The following ZNF81 variants were observed in gnomAD, a reference collection of about 807,000 sequenced individuals.
ZNF81 encodes zinc finger protein 81 (HFZ20).
Under a neutral mutation model 32.3 loss-of-function variants are expected in ZNF81, and 5 were observed. The ratio of observed to expected loss-of-function variants is 0.15; its 90% CI spans 0.08 to 0.33. The LOEUF is 0.33. Ranked by LOEUF, ZNF81 falls within the 10% of genes least tolerant of loss-of-function variation. The pLI is 1.00. For synonymous variants in ZNF81, 163 were observed against 166.8 expected (o/e 0.98, Z 0.17); for missense variants, 379 against 479.8 (o/e 0.79, Z 1.96).
At chrX:47,854,203 C>T (rs1406338868) in intron 2 of ZNF81, among the ~76,000 whole-genome samples, 1 of 112,544 alleles carries the variant, frequency 8.9e-6, no homozygotes, top group African/African-American at 3.2e-5. Flanking sequence ...AACTTTGCTT[C>T]AGCAGCTTCC....
At chrX:47,872,105 T>C (rs1556883985) in intron 2 of ZNF81, among the ~76,000 whole-genome samples, 1 of 112,231 alleles carries the variant, frequency 8.9e-6, no homozygotes, top group Non-Finnish European at 1.9e-5. Flanking sequence ...TTCTGCTCTT[T>C]GCAGAAGCTG....
chrX:47,849,709 A>G (rs998811317), intron 2 of ZNF81, among the ~76,000 whole-genome samples: 19 of 111,255 alleles, frequency 1.7e-4, no homozygotes, highest in African/African-American at 5.9e-4. Flanking sequence ...GAAAATCGCA[A>G]TCCATAGAGT....
Position 47,919,381 on chromosome X carries a change from G to T in ZNF81, c.*2749G>T. On this transcript the variant is annotated 3_prime_UTR_variant, in exon 5 of 5. Coordinates refer to ENST00000338637, the MANE Select transcript of ZNF81 (RefSeq NM_007137.5). ...CCCATTGAAGGCATTCTTCAACTCA[G>T]TTATGTTTTATTTTTATTTGTAATA... 3 of 184,466 alleles carry T rather than the reference G, an allele frequency of 1.6e-5. No homozygotes were observed. The highest frequency in any genetic ancestry group is 3.1e-5 in the Non-Finnish European group (3 of 96,058). 15.2% of individuals were successfully genotyped at this position (184,466 alleles called of 1,213,427 possible).
intron 2 of ZNF81, among the ~76,000 whole-genome samples, chrX:47,858,412 C>G (rs967569530): frequency 2.0e-4 from 22 of 112,144 alleles, no homozygotes; most frequent in Admixed American, 3.8e-4. Context: ...TTGTCTTATA[C>G]TTTTCCAGAA....
chrX:47,890,217 C>T (rs2058657812), intron 3 of ZNF81, among the ~76,000 whole-genome samples: 1 of 110,367 alleles, frequency 9.1e-6, no homozygotes, highest in African/African-American at 3.3e-5. Flanking sequence ...TCAGGCTGGG[C>T]CTCAATCAGA....
Position 47,918,929 on chromosome X carries a change from G to T in ZNF81, c.*2297G>T. On this transcript the variant is annotated 3_prime_UTR_variant, in exon 5 of 5. Transcript: ENST00000338637. ...TGGGAGTGTCTATTACAGTTATCCT[G>T]TACCTATCCCACCATTGTATATATT... The T allele has an allele frequency of 4.3e-6, 1 of 233,145 alleles. No individual in the cohort carries two copies. Among genetic ancestry groups the T allele is most frequent in the Non-Finnish European group, 8.1e-6 (1 of 124,059 alleles). 19.2% of individuals were successfully genotyped at this position (233,145 alleles called of 1,213,427 possible). A position where few individuals can be genotyped will look rare whatever the true frequency, so the allele number is the denominator to read the frequency against.
intron 2 of ZNF81, among the ~76,000 whole-genome samples, chrX:47,857,344 A>T (rs2058521492): frequency 1.0e-5 from 1 of 97,539 alleles, no homozygotes; most frequent in African/African-American, 4.3e-5. Flanking sequence ...AAAAATAAAA[A>T]GTAAGCAGCT....
At chrX:47,849,457 C>T (rs929597693) in intron 2 of ZNF81, among the ~76,000 whole-genome samples, 1 of 111,284 alleles carries the variant, frequency 9.0e-6, no homozygotes, top group East Asian at 2.8e-4. Context: ...CACCTGAGGT[C>T]AGTCAGGAGT....
intron 2 of ZNF81, among the ~76,000 whole-genome samples, chrX:47,870,024 A>G (rs1354273713): frequency 9.0e-6 from 1 of 111,545 alleles, no homozygotes; most frequent in African/African-American, 3.3e-5. Flanking sequence ...CTTTGATAGC[A>G]GAGTGGGTGA....
In ZNF81 at chrX:47,897,839, C is replaced by A. The variant is rs782820046; in HGVS notation, c.277+1899C>A. Among the ~76,000 whole-genome samples the A allele has an allele frequency of 2.9e-4, 32 of 112,038 alleles. No homozygotes were observed. The South Asian group carries it at 0.011, about 40-fold the overall frequency. ...TGAGCCTGTATCTGGTCTCTCATTT[C>A]TGTTCAATTAATCTATTTGTCTGTC... is the stretch of plus-strand genomic sequence containing the variant. On this transcript the variant is annotated intron_variant, in intron 4 of 4. Coordinates refer to ENST00000338637, the MANE Select transcript of ZNF81 (RefSeq NM_007137.5).
chrX:47,864,867 G>A (rs2058554261), intron 2 of ZNF81, among the ~76,000 whole-genome samples: 1 of 112,469 alleles, frequency 8.9e-6, no homozygotes, highest in Non-Finnish European at 1.9e-5. Context: ...TTCCAAGTGG[G>A]AGACTGAAAA....
At chrX:47,897,502 G>A (rs1472495748) in intron 4 of ZNF81, among the ~76,000 whole-genome samples, 1 of 111,499 alleles carries the variant, frequency 9.0e-6, no homozygotes, top group African/African-American at 3.3e-5. Flanking sequence ...CCAATCTGTG[G>A]CTTGAAATTT....
chrX:47,871,477 A>G (rs782218649), intron 2 of ZNF81, among the ~76,000 whole-genome samples: 2 of 111,480 alleles, frequency 1.8e-5, no homozygotes, highest in African/African-American at 3.3e-5. Context: ...TTCTCATCCC[A>G]GGTATATGCC....
At chrX:47,908,360 A>T (rs1217949419) in intron 4 of ZNF81, among the ~76,000 whole-genome samples, 6 of 111,695 alleles carry the variant, frequency 5.4e-5, no homozygotes, top group African/African-American at 1.9e-4. Context: ...TACAAAAAAA[A>T]GGGCTAAAAT....
chrX:47,837,831 C>T (rs1431730164), intron 1 of ZNF81, among the ~76,000 whole-genome samples: 3 of 111,742 alleles, frequency 2.7e-5, no homozygotes, highest in Non-Finnish European at 5.6e-5. Flanking sequence ...CTTGCCTTTC[C>T]TATATGCATT....
At chrX:47,841,796 A>ATTTT in intron 1 of ZNF81, 1 of 368,428 alleles carries the variant, frequency 2.7e-6, no homozygotes, top group Non-Finnish European at 4.6e-6. Flanking sequence ...GGATTTATTT[A>ATTTT]TTTTTTCTAT....
intron 3 of ZNF81, among the ~76,000 whole-genome samples, chrX:47,891,240 G>A: frequency 8.9e-6 from 1 of 112,868 alleles, no homozygotes. Context: ...GGGTACCAGG[G>A]AATGTGTTAA....
intron 4 of ZNF81, among the ~76,000 whole-genome samples, chrX:47,899,290 G>GTTT (rs377718867): frequency 9.8e-6 from 1 of 101,689 alleles, no homozygotes; most frequent in Non-Finnish European, 2.0e-5. Context: ...TTGTTTCATA[G>GTTT]TTTTTTTTTT....
chrX:47,900,510 A>T (rs1378534149), intron 4 of ZNF81, among the ~76,000 whole-genome samples: 1 of 111,970 alleles, frequency 8.9e-6, no homozygotes, highest in African/African-American at 3.2e-5. Flanking sequence ...GACAGATAAA[A>T]AATTGTTAAC....
Sources: gnomAD v4.1 joint callset for allele counts (sites outside exome capture counted in the v4.1 genomes callset) on GRCh38, gnomAD v4.1.1 for gene constraint, MANE v1.5 for transcripts, NCBI Gene and HGNC (gene_info 2026-07-23, HGNC 2026-07-21) for gene names.